The following TENM1 variants were observed in gnomAD, a reference collection of about 807,000 sequenced individuals.
TENM1 encodes teneurin transmembrane protein 1, also known as teneurin-1.
Under a neutral mutation model 174.8 loss-of-function variants are expected in TENM1, and 35 were observed. The observed-to-expected ratio is 0.20, with a 90% CI of 0.15 to 0.27. The LOEUF (loss-of-function observed/expected upper bound fraction) is 0.27. TENM1 is among the 10% of genes least tolerant of loss of function. TENM1 has a pLI of 1.00. For synonymous variants in TENM1, 781 were observed against 798.7 expected (o/e 0.98, Z 0.37); for missense variants, 1,633 against 2,130.1 (o/e 0.77, Z 4.59).
At chrX:124,692,619 G>T (rs191089077) in intron 5 of TENM1, among the ~76,000 whole-genome samples, 1 of 108,817 alleles carries the variant, frequency 9.2e-6, no homozygotes, top group Non-Finnish European at 1.9e-5. Flanking sequence ...TATTCTCTGA[G>T]TTCTTGCATG....
the TENM1 span, among the ~76,000 whole-genome samples, chrX:125,159,025 G>T: frequency 9.0e-6 from 1 of 110,954 alleles, no homozygotes; most frequent in African/African-American, 3.3e-5. Context: ...GGCAGAAACA[G>T]TCTAGCAGCA....
intron 1 of TENM1, among the ~76,000 whole-genome samples, chrX:124,949,652 G>A (rs2058452777): frequency 2.7e-5 from 3 of 111,523 alleles, no homozygotes. Flanking sequence ...AAAATTAGAG[G>A]ACAATCCCAT....
chrX:124,758,158 G>GA (rs745565919), intron 3 of TENM1, among the ~76,000 whole-genome samples: 3 of 111,013 alleles, frequency 2.7e-5, no homozygotes, highest in South Asian at 7.6e-4. Flanking sequence ...TTCAATAGCA[G>GA]AAAAAACAAA....
intron 23 of TENM1, among the ~76,000 whole-genome samples, chrX:124,441,974 T>C (rs778833430): frequency 8.9e-6 from 1 of 112,479 alleles, no homozygotes; most frequent in Non-Finnish European, 1.9e-5. Flanking sequence ...TCTAATCTTC[T>C]CTTATCCTTT....
chrX:125,098,946 A>G, the TENM1 span, among the ~76,000 whole-genome samples: 1 of 112,301 alleles, frequency 8.9e-6, no homozygotes, highest in Non-Finnish European at 1.9e-5. Context: ...GAAGGAGACC[A>G]AAGGACTTCC....
chrX:124,921,115 C>T (rs1186871192), intron 1 of TENM1, among the ~76,000 whole-genome samples: 1 of 108,906 alleles, frequency 9.2e-6, no homozygotes, highest in Non-Finnish European at 1.9e-5. Context: ...GAGGTCAAGT[C>T]CCTTCCACAC....
chrX:124,604,530 C>T (rs147970778), intron 11 of TENM1, among the ~76,000 whole-genome samples: 1,837 of 110,800 alleles, frequency 0.017, 39 homozygotes, highest in African/African-American at 0.057. Context: ...GGTCCAAAAT[C>T]GTTGATGTGT....
chrX:124,455,097 CTTTGATTAATCCTGATG>C (rs779955462), intron 22 of TENM1, among the ~76,000 whole-genome samples: 9 of 112,180 alleles, frequency 8.0e-5, no homozygotes, highest in Non-Finnish European at 1.3e-4. Context: ...TTATGGTATA[CTTTGATTAATCCTGATG>C]TTTGATTAAT....
rs1337911077 is a variant in TENM1 at position 124,448,725 on chromosome X, CAG to C, written c.4104+4610_4104+4611del. 2.7e-5 allele frequency among the ~76,000 whole-genome samples: 3 copies of C among 112,001 alleles called. No homozygotes were observed. In the Admixed American group the frequency reaches 2.9e-4, roughly 11 times the overall value. ...TTCCTATGCATGTTCCAGGAACACA[CAG>C]TCTACTGTGGGAGACGGGTTGGATA... On this transcript the variant is annotated intron_variant, in intron 23 of 31. Coordinates refer to ENST00000422452, the Ensembl canonical transcript of TENM1.
At chrX:124,716,372 G>A (rs2053182446) in intron 4 of TENM1, among the ~76,000 whole-genome samples, 1 of 112,066 alleles carries the variant, frequency 8.9e-6, no homozygotes, top group African/African-American at 3.2e-5. Context: ...CTAATGAAAT[G>A]TAAAGTGTGA....
intron 11 of TENM1, among the ~76,000 whole-genome samples, chrX:124,640,818 G>A (rs1401631940): frequency 5.5e-5 from 6 of 109,962 alleles, no homozygotes; most frequent in East Asian, 2.8e-4. Context: ...AAAATTAGCC[G>A]GTCGTGGTGT....
intron 20 of TENM1, among the ~76,000 whole-genome samples, chrX:124,492,857 C>T (rs888118417): frequency 9.1e-5 from 10 of 110,194 alleles, no homozygotes; most frequent in African/African-American, 3.0e-4. Flanking sequence ...AAATGCGATC[C>T]CTTAAATCAC....
intron 23 of TENM1, among the ~76,000 whole-genome samples, chrX:124,435,155 G>A (rs1277024912): frequency 2.7e-5 from 3 of 111,667 alleles, no homozygotes; most frequent in Non-Finnish European, 5.6e-5. Context: ...ACAGTAGGAA[G>A]TGAGACTCTT....
chrX:124,436,227 G>A (rs1227136998), intron 23 of TENM1, among the ~76,000 whole-genome samples: 1 of 111,475 alleles, frequency 9.0e-6, no homozygotes, highest in Non-Finnish European at 1.9e-5. Flanking sequence ...TGATGCTGGG[G>A]TTGGGACTCG....
At chrX:124,465,799 T>C (rs143324470) in intron 22 of TENM1, among the ~76,000 whole-genome samples, 1,199 of 110,994 alleles carry the variant, frequency 0.011, 19 homozygotes, top group African/African-American at 0.036. Context: ...AACCTAATTC[T>C]GTATTTTAGT....
the TENM1 span, among the ~76,000 whole-genome samples, chrX:125,019,686 A>T: frequency 4.5e-5 from 5 of 110,798 alleles, no homozygotes; most frequent in Admixed American, 9.7e-5. Context: ...CTATCTCTAC[A>T]ATTACTAAAC....
At chrX:124,438,973 T>G (rs1286974587) in intron 23 of TENM1, among the ~76,000 whole-genome samples, 3 of 111,068 alleles carry the variant, frequency 2.7e-5, no homozygotes, top group Non-Finnish European at 3.8e-5. Context: ...TTAAATTTGG[T>G]TTTTTTTATA....
intron 8 of TENM1, among the ~76,000 whole-genome samples, chrX:124,647,128 C>T (rs1284058758): frequency 9.0e-6 from 1 of 111,626 alleles, no homozygotes; most frequent in Non-Finnish European, 1.9e-5. Flanking sequence ...AAAAAATGTA[C>T]CAGGATTACA....
intron 3 of TENM1, among the ~76,000 whole-genome samples, chrX:124,834,297 G>A (rs954671099): frequency 3.6e-5 from 4 of 111,210 alleles, no homozygotes; most frequent in African/African-American, 6.5e-5. Flanking sequence ...TCAGCCTTCC[G>A]AGTAGCTAGG....
Sources: allele counts gnomAD v4.1 joint callset (sites outside exome capture counted in the v4.1 genomes callset), GRCh38; gene constraint gnomAD v4.1.1; transcripts MANE v1.5; gene names NCBI Gene and HGNC (gene_info 2026-07-23, HGNC 2026-07-21).